Variants in PRKN observed in about 807,000 individuals in gnomAD.
The protein encoded by PRKN is E3 ubiquitin-protein ligase parkin.
Under a neutral mutation model 59.5 loss-of-function variants are expected in PRKN, and 56 were observed. The ratio of observed to expected loss-of-function variants is 0.94; its 90% CI spans 0.76 to 1.18. PRKN has a LOEUF of 1.18. Ranked by LOEUF, PRKN falls within the 50% of genes most tolerant of loss-of-function variation. The pLI is 0.00. For synonymous variants in PRKN, 250 were observed against 222.1 expected, an observed-to-expected ratio of 1.13 and a Z score of -1.12; for missense variants, 657 against 596.4, an observed-to-expected ratio of 1.10 and a Z score of -1.06.
intron 1 of PRKN, among the ~76,000 whole-genome samples, chr6:162,450,642 C>G (rs539965328): frequency 6.6e-6 from 1 of 152,072 alleles, no homozygotes; most frequent in Non-Finnish European, 1.5e-5. Flanking sequence ...CTAATCTTCA[C>G]GAAAACATCG....
At chr6:162,336,585 G>A (rs1344676959) in intron 2 of PRKN, among the ~76,000 whole-genome samples, 1 of 152,228 alleles carries the variant, frequency 6.6e-6, no homozygotes, top group East Asian at 1.9e-4. Flanking sequence ...AAGACTGTCT[G>A]TCACACGATT....
chr6:161,571,384 G>T (rs1340183525), intron 7 of PRKN, among the ~76,000 whole-genome samples: 4 of 152,218 alleles, frequency 2.6e-5, no homozygotes, highest in Non-Finnish European at 5.9e-5. Flanking sequence ...AAATTATGGA[G>T]CCATTTCTCA....
chr6:162,476,790 C>T (rs1283372435), intron 1 of PRKN, among the ~76,000 whole-genome samples: 3 of 152,220 alleles, frequency 2.0e-5, no homozygotes, highest in South Asian at 2.1e-4. Flanking sequence ...CAGGTGCTTT[C>T]GAATTGTTAA....
At chr6:161,482,102 C>T (rs1791430877) in intron 9 of PRKN, among the ~76,000 whole-genome samples, 1 of 152,064 alleles carries the variant, frequency 6.6e-6, no homozygotes, top group African/African-American at 2.4e-5. Context: ...TTCAAAGAAA[C>T]AATCTCAAGT....
At chr6:161,381,562 G>A (rs1051874828) in intron 10 of PRKN, among the ~76,000 whole-genome samples, 1 of 152,192 alleles carries the variant, frequency 6.6e-6, no homozygotes, top group Non-Finnish European at 1.5e-5. Context: ...TAATTTAGGA[G>A]GCAGATGGAA....
rs141850209 is a variant in PRKN, at chr6:162,018,011, CATA to C, written c.618+36077_618+36079del. ...TGGAACAGAGATGAAGAACACAGGCCATAATAACTTTTATTTTTATTTTTATTT... is the reference window on the plus strand; with the variant it reads ...TGGAACAGAGATGAAGAACACAGGCCATAACTTTTATTTTTATTTTTATTT... On this transcript the variant is annotated intron_variant, in intron 5 of 11. Coordinates refer to ENST00000366898, the MANE Select transcript of PRKN (RefSeq NM_004562.3). Among the ~76,000 whole-genome samples, 1,088 of 152,038 alleles carry C rather than the reference CATA, an allele frequency of 7.2e-3. 14 individuals are homozygous for C. Among genetic ancestry groups the C allele is most frequent in the African/African-American group, 0.025 (1,031 of 41,502 alleles).
intron 3 of PRKN, among the ~76,000 whole-genome samples, chr6:162,207,090 C>T (rs557226837): frequency 5.9e-5 from 9 of 152,180 alleles, no homozygotes; most frequent in East Asian, 3.9e-4. Context: ...AGATGGGGAT[C>T]GGCCTGCCGC....
intron 1 of PRKN, among the ~76,000 whole-genome samples, 175 bp downstream of exon 1, chr6:162,727,487 G>A (rs914170852): frequency 4.6e-5 from 7 of 152,074 alleles, no homozygotes; most frequent in Non-Finnish European, 8.8e-5. Flanking sequence ...CTGGGGCCCC[G>A]GACCCGCGTC....
At chr6:161,988,493 C>A (rs529290694) in intron 5 of PRKN, among the ~76,000 whole-genome samples, 2 of 151,120 alleles carry the variant, frequency 1.3e-5, no homozygotes, top group Admixed American at 6.6e-5. Flanking sequence ...CTCAAAAAAA[C>A]AAAATAAAAT....
intron 1 of PRKN, chr6:162,569,452 G>T: frequency 1.5e-6 from 1 of 687,758 alleles, no homozygotes. Context: ...CCACCTACAG[G>T]AAGCTGCTGG....
chr6:161,684,283 T>C (rs1785475660), intron 7 of PRKN, among the ~76,000 whole-genome samples: 1 of 152,076 alleles, frequency 6.6e-6, no homozygotes, highest in South Asian at 2.1e-4. Context: ...TTTGTAGAGA[T>C]GAGGGTCTTA....
intron 2 of PRKN, among the ~76,000 whole-genome samples, chr6:162,356,427 A>G (rs562828302): frequency 1.5e-4 from 23 of 152,100 alleles, no homozygotes; most frequent in Admixed American, 4.6e-4. Context: ...CATGGTTTAC[A>G]CCACGATAAG....
At chr6:161,763,092 A>AT (rs1170584507) in intron 7 of PRKN, among the ~76,000 whole-genome samples, 3 of 152,198 alleles carry the variant, frequency 2.0e-5, no homozygotes, top group Non-Finnish European at 1.5e-5. Context: ...TAACCGTTGT[A>AT]TTACCTATAG....
rs141863012 is a variant in PRKN at position 162,145,461 on chromosome 6, G to C, written c.534+55670C>G. Among the ~76,000 whole-genome samples, 50 of 152,258 alleles carry C rather than the reference G, an allele frequency of 3.3e-4. 1 individual carries two copies. The highest frequency in any genetic ancestry group is 1.2e-3 in the African/African-American group (48 of 41,540). ...TGTGCCTGGGAATATTTACACATTGGGGGGAATTATTGTTGCTAGTGGAGA... is the reference window on the plus strand; with the variant it reads ...TGTGCCTGGGAATATTTACACATTGCGGGGAATTATTGTTGCTAGTGGAGA... On this transcript the variant is annotated intron_variant, in intron 4 of 11. Transcript: ENST00000366898.
chr6:162,033,672 GATTTTT>G (rs1445749230), intron 5 of PRKN, among the ~76,000 whole-genome samples: 1 of 152,092 alleles, frequency 6.6e-6, no homozygotes, highest in Non-Finnish European at 1.5e-5. Context: ...GTTAAAGCAT[GATTTTT>G]TAATTAATTA....
At chr6:161,704,993 G>C (rs928652922) in intron 7 of PRKN, among the ~76,000 whole-genome samples, 4 of 152,178 alleles carry the variant, frequency 2.6e-5, no homozygotes, top group African/African-American at 9.7e-5. Flanking sequence ...GTTGAGAATA[G>C]GCACTGGCGT....
At chr6:161,906,955 T>C (rs1313869107) in intron 6 of PRKN, among the ~76,000 whole-genome samples, 1 of 152,058 alleles carries the variant, frequency 6.6e-6, no homozygotes, top group Non-Finnish European at 1.5e-5. Context: ...TGGCAGCTGA[T>C]TAGATGGTGC....
chr6:162,381,719 C>T (rs191899903), intron 2 of PRKN, among the ~76,000 whole-genome samples: 243 of 152,230 alleles, frequency 1.6e-3, no homozygotes, highest in Admixed American at 2.6e-3. Context: ...TACCATTACG[C>T]ACTTTTTTCT....
At chr6:162,440,999 A>G (rs113474213) in intron 2 of PRKN, among the ~76,000 whole-genome samples, 8 of 152,202 alleles carry the variant, frequency 5.3e-5, no homozygotes, top group African/African-American at 1.9e-4. Context: ...AAACTCTTCT[A>G]TGAACAAAGT....
Sources: allele counts gnomAD v4.1 joint callset (sites outside exome capture counted in the v4.1 genomes callset), GRCh38; gene constraint gnomAD v4.1.1; transcripts MANE v1.5; gene names NCBI Gene and HGNC (gene_info 2026-07-23, HGNC 2026-07-21).